The following ZNF138 variants were observed in gnomAD, a reference collection of about 807,000 sequenced individuals.
ZNF138 encodes zinc finger protein 138, also known as zinc finger protein 138 (clone pHZ-32).
In ZNF138, 33 loss-of-function variants were observed where a neutral mutation model predicts 33.0. The ratio of observed to expected loss-of-function variants is 1.00; its 90% confidence interval spans 0.76 to 1.34. The LOEUF (loss-of-function observed/expected upper bound fraction) is 1.34. Among genes scored for constraint, ZNF138 ranks in the 40% most tolerant of loss-of-function variants. ZNF138 has a pLI of 0.00. For synonymous variants in ZNF138, 139 were observed against 120.4 expected (o/e 1.15, Z -1.01); for missense variants, 360 against 370.8 (o/e 0.97, Z 0.24).
chr7:64,814,600 A>G (rs1208224006), intron 1 of ZNF138, among the ~76,000 whole-genome samples: 3 of 152,082 alleles, frequency 2.0e-5, no homozygotes, highest in South Asian at 4.1e-4. Flanking sequence ...CCCCGTTTCT[A>G]CTACAAATAC....
intron 1 of ZNF138, among the ~76,000 whole-genome samples, chr7:64,805,290 T>C (rs1787486109): frequency 6.6e-6 from 1 of 151,646 alleles, no homozygotes; most frequent in South Asian, 2.1e-4. Flanking sequence ...TCTCAGCTAC[T>C]CAGGAGGCTG....
the ZNF138 span, among the ~76,000 whole-genome samples, chr7:64,843,855 T>A: frequency 1.3e-5 from 2 of 151,630 alleles, no homozygotes; most frequent in Non-Finnish European, 2.9e-5. Context: ...TGAGATGGAG[T>A]TTCGCTGTCA....
intron 1 of ZNF138, among the ~76,000 whole-genome samples, chr7:64,801,287 A>G (rs976562486): frequency 4.6e-5 from 7 of 151,832 alleles, no homozygotes; most frequent in South Asian, 2.1e-4. Flanking sequence ...TAACTTTTTT[A>G]TGGGGGCATT....
chr7:64,805,526 A>G (rs1180533865), intron 1 of ZNF138, among the ~76,000 whole-genome samples: 2 of 152,178 alleles, frequency 1.3e-5, no homozygotes, highest in African/African-American at 2.4e-5. Context: ...CCGATGTGGC[A>G]CTGGAGTGCT....
At chr7:64,844,843 C>T in the ZNF138 span, among the ~76,000 whole-genome samples, 46 of 152,210 alleles carry the variant, frequency 3.0e-4, no homozygotes, top group African/African-American at 9.6e-4. Flanking sequence ...CAAGCCACCT[C>T]GCTCAGCTAA....
At chr7:64,806,234 AG>A (rs1223277311) in intron 1 of ZNF138, among the ~76,000 whole-genome samples, 1 of 152,224 alleles carries the variant, frequency 6.6e-6, no homozygotes, top group Non-Finnish European at 1.5e-5. Flanking sequence ...CTAAATATGC[AG>A]GCAGAATTGT....
At chr7:64,854,918 T>G in the ZNF138 span, among the ~76,000 whole-genome samples, 1 of 152,200 alleles carries the variant, frequency 6.6e-6, no homozygotes, top group Non-Finnish European at 1.5e-5. Flanking sequence ...CATTAAAAGA[T>G]TGAAGATTGC....
chr7:64,824,244 G>C (rs1048284849), intron 3 of ZNF138, among the ~76,000 whole-genome samples: 1 of 152,028 alleles, frequency 6.6e-6, no homozygotes, highest in Non-Finnish European at 1.5e-5. Context: ...CATGAGAGCT[G>C]GTTCATTGAA....
At chr7:64,800,314 T>C (rs1290266770) in intron 1 of ZNF138, among the ~76,000 whole-genome samples, 2 of 152,168 alleles carry the variant, frequency 1.3e-5, no homozygotes, top group Non-Finnish European at 2.9e-5. Flanking sequence ...ATTCAGTACG[T>C]TGGTTGTGGG....
chr7:64,846,442 T>C, the ZNF138 span, among the ~76,000 whole-genome samples: 65,010 of 152,024 alleles, frequency 0.43, 14,139 homozygotes, highest in Non-Finnish European at 0.46. Context: ...TTTCTTTCAG[T>C]AGTGTTTTGT....
the ZNF138 span, among the ~76,000 whole-genome samples, chr7:64,845,291 C>G: frequency 3.9e-5 from 6 of 152,202 alleles, no homozygotes; most frequent in Non-Finnish European, 8.8e-5. Context: ...AAGTAGTATT[C>G]CATCATATAT....
chr7:64,818,919 T>C (rs1364088954), intron 3 of ZNF138, among the ~76,000 whole-genome samples: 1 of 152,208 alleles, frequency 6.6e-6, no homozygotes, highest in Admixed American at 6.5e-5. Flanking sequence ...ACAAATTCTT[T>C]CTTAATGTTA....
chr7:64,825,226 G>T (rs1282331895), intron 3 of ZNF138, among the ~76,000 whole-genome samples: 1 of 131,384 alleles, frequency 7.6e-6, no homozygotes, highest in Non-Finnish European at 1.6e-5. Flanking sequence ...AGGCTGGAGT[G>T]CAGTGGCGCG....
chr7:64,847,047 T>C, the ZNF138 span, among the ~76,000 whole-genome samples: 142,762 of 152,180 alleles, frequency 0.94, 67,585 homozygotes, highest in Non-Finnish European at 1. Context: ...ATTCTGTTTA[T>C]GTGGTGTATC....
At position 64,831,580 on chromosome 7, in the gene ZNF138, G is replaced by T. The variant is rs769085408; in HGVS notation, c.338G>T (p.Ser113Ile). 3 of 1,613,654 alleles carry T rather than the reference G, an allele frequency of 1.9e-6. No homozygotes were observed. In the South Asian group the frequency reaches 3.3e-5, roughly 18 times the overall value. The change falls in exon 4 of 4, where the codon AGT becomes ATT. Residue 113 changes from serine (S) to isoleucine (I), a missense_variant. Transcript: ENST00000307355. ...KNLQLRKGCK[S>I]VDECKGHQGG... ...TTACAGTTAAGAAAAGGCTGTAAAA[G>T]TGTGGATGAGTGTAAGGGACACCAA... is the stretch of plus-strand genomic sequence containing the variant.
the ZNF138 span, among the ~76,000 whole-genome samples, chr7:64,859,551 C>T: frequency 6.6e-6 from 1 of 152,180 alleles, no homozygotes; most frequent in Non-Finnish European, 1.5e-5. Flanking sequence ...TCAGGACTAT[C>T]AGAGAATTTT....
At chr7:64,858,953 T>C in the ZNF138 span, among the ~76,000 whole-genome samples, 2 of 152,122 alleles carry the variant, frequency 1.3e-5, no homozygotes, top group African/African-American at 4.8e-5. Flanking sequence ...CTCTTTCATT[T>C]TTTTATATCT....
In ZNF138 at chr7:64,804,103, G is replaced by T. The variant is rs1263777474; in HGVS notation, c.3+9532G>T. ...AAGGGAGGAGACCACCCCTCATACT[G>T]TCTCATGCCCAATTTCTGCCTCCAA... On this transcript the variant is annotated intron_variant, in intron 1 of 3. Coordinates refer to ENST00000307355, the MANE Select transcript of ZNF138 (RefSeq NM_001271639.2). Among the ~76,000 whole-genome samples, 4 of 152,140 alleles carry T rather than the reference G, an allele frequency of 2.6e-5. No homozygotes were observed. In the East Asian group the frequency reaches 5.8e-4, roughly 22 times the overall value.
At chr7:64,838,507 G>T (rs4718136), downstream of ZNF138, among the ~76,000 whole-genome samples, 149,984 of 152,194 alleles carry the variant, frequency 0.99, 73,943 homozygotes, top group East Asian at 1. Flanking sequence ...AGGGAATGCC[G>T]GTTGCAGGGC....
Sources: gnomAD v4.1 joint callset for allele counts (sites outside exome capture counted in the v4.1 genomes callset) on GRCh38, gnomAD v4.1.1 for gene constraint, MANE v1.5 for transcripts, NCBI Gene and HGNC (gene_info 2026-07-23, HGNC 2026-07-21) for gene names.